EEIG1: variants seen among roughly 807,000 people sequenced by gnomAD.
EEIG1 encodes estrogen-induced osteoclastogenesis regulator 1.
the EEIG1 span, among the ~76,000 whole-genome samples, chr9:127,961,826 CG>C: frequency 6.7e-6 from 1 of 148,730 alleles, no homozygotes; most frequent in Admixed American, 6.9e-5. Context: ...GCAAAGGCCC[CG>C]GGGTGGGAAT....
chr9:127,943,955 G>C, the EEIG1 span: 1 of 153,958 alleles, frequency 6.5e-6, no homozygotes, highest in African/African-American at 2.4e-5. Flanking sequence ...GTGGATGTTA[G>C]GCGGGCTCCC....
At chr9:127,979,912 G>A in the EEIG1 span, 2 of 1,493,554 alleles carry the variant, frequency 1.3e-6, no homozygotes, top group South Asian at 2.6e-5. Context: ...CCGGCCCCAA[G>A]GGGCCCTTCC....
At chr9:127,950,638 C>G in the EEIG1 span, 4 of 1,532,176 alleles carry the variant, frequency 2.6e-6, no homozygotes, top group Admixed American at 5.5e-5. Flanking sequence ...GAGAGGGAGA[C>G]AGATAAAGCC....
At chr9:127,947,721 G>A in the EEIG1 span, among the ~76,000 whole-genome samples, 1 of 152,140 alleles carries the variant, frequency 6.6e-6, no homozygotes, top group Non-Finnish European at 1.5e-5. Context: ...CCTGGCCCCA[G>A]ATGGATCCCA....
chr9:127,944,339 C>A, the EEIG1 span: 1 of 573,088 alleles, frequency 1.7e-6, no homozygotes, highest in Admixed American at 3.2e-5. Flanking sequence ...CTGCCATGTG[C>A]TGAGCCCTGC....
At chr9:127,967,850 A>G in the EEIG1 span, among the ~76,000 whole-genome samples, 3 of 152,314 alleles carry the variant, frequency 2.0e-5, no homozygotes, top group African/African-American at 7.2e-5. Context: ...CTAGACCTCC[A>G]GAAGTAACTA....
chr9:127,941,775 G>C, the EEIG1 span: 5 of 152,280 alleles, frequency 3.3e-5, no homozygotes, highest in African/African-American at 1.2e-4. Context: ...GAACCAGCCG[G>C]CAGGTGGGGC....
the EEIG1 span, among the ~76,000 whole-genome samples, chr9:127,980,760 G>T: frequency 6.7e-6 from 1 of 149,868 alleles, no homozygotes; most frequent in Admixed American, 6.6e-5. Context: ...GGCCGGGAAC[G>T]TCCGGCCTCG....
the EEIG1 span, among the ~76,000 whole-genome samples, chr9:127,967,391 T>C: frequency 6.6e-6 from 1 of 152,046 alleles, no homozygotes; most frequent in Non-Finnish European, 1.5e-5. Context: ...GCCAAGGAAA[T>C]TGAGGCCCCA....
At chr9:127,944,549 G>T in the EEIG1 span, 1 of 1,182,346 alleles carries the variant, frequency 8.5e-7, no homozygotes. Context: ...TGAGTGGACT[G>T]TGGGGACTCT....
At chr9:127,945,247 A>T in the EEIG1 span, 1 of 862,098 alleles carries the variant, frequency 1.2e-6, no homozygotes, top group Non-Finnish European at 1.7e-6. This position sits in a 1 kb window ranked among gnomAD's most constrained non-coding sequence, Gnocchi z 6.5. Flanking sequence ...TGGAATCGTC[A>T]CCACCCAACC....
chr9:127,974,814 G>A, the EEIG1 span, among the ~76,000 whole-genome samples: 7 of 152,306 alleles, frequency 4.6e-5, no homozygotes, highest in South Asian at 2.1e-4. Flanking sequence ...AAGACAAAGC[G>A]TGTGTTCAGG....
chr9:127,980,141 C>A, the EEIG1 span: 117 of 1,611,020 alleles, frequency 7.3e-5, no homozygotes, highest in African/African-American at 1.3e-3. Context: ...AAGCCATGAG[C>A]GAGTTCCCTG....
chr9:127,971,953 G>C, the EEIG1 span, among the ~76,000 whole-genome samples: 1 of 152,176 alleles, frequency 6.6e-6, no homozygotes, highest in Non-Finnish European at 1.5e-5. Flanking sequence ...GGAAGCCGAC[G>C]AGGCCAGCCT....
the EEIG1 span, chr9:127,944,839 G>A: frequency 2.5e-6 from 4 of 1,612,110 alleles, no homozygotes; most frequent in Non-Finnish European, 2.5e-6. Flanking sequence ...GATGGCATCC[G>A]CATCGATCCG....
the EEIG1 span, among the ~76,000 whole-genome samples, chr9:127,969,008 C>T: frequency 0.013 from 1,946 of 152,288 alleles, 121 homozygotes; most frequent in East Asian, 0.2. Context: ...GTGCTAGACA[C>T]GGGGGACACA....
At chr9:127,974,940 T>A in the EEIG1 span, among the ~76,000 whole-genome samples, 1 of 152,166 alleles carries the variant, frequency 6.6e-6, no homozygotes, top group Admixed American at 6.5e-5. Context: ...AAGAATCCCA[T>A]CGAACCTCCA....
the EEIG1 span, among the ~76,000 whole-genome samples, chr9:127,952,302 G>A: frequency 6.6e-6 from 1 of 152,336 alleles, no homozygotes. Context: ...GAAGGGCCAC[G>A]CCCTGTATAG....
At chr9:127,980,451 C>A in the EEIG1 span, 5 of 191,654 alleles carry the variant, frequency 2.6e-5, no homozygotes, top group Non-Finnish European at 5.3e-5. Context: ...GGGCTGCGCG[C>A]GAGCGGCCGC....
Sources: allele counts gnomAD v4.1 joint callset (sites outside exome capture counted in the v4.1 genomes callset), GRCh38; gene constraint gnomAD v4.1.1; non-coding constraint Gnocchi (gnomAD v3.1); transcripts MANE v1.5; gene names NCBI Gene and HGNC (gene_info 2026-07-23, HGNC 2026-07-21).